PCDHA4: variants seen among roughly 807,000 people sequenced by gnomAD.
PCDHA4 encodes the protein protocadherin alpha-4.
In PCDHA4, 49 loss-of-function variants were observed where a neutral mutation model predicts 61.4. The ratio of observed to expected loss-of-function variants is 0.80; its 90% CI spans 0.63 to 1.01. The LOEUF is 1.01. Ranked by LOEUF, PCDHA4 falls within the 50% of genes least tolerant of loss-of-function variation. The pLI is 0.00. For synonymous variants in PCDHA4, 590 were observed against 550.3 expected (o/e 1.07, Z -1.01); for missense variants, 1,254 against 1,235.8 (o/e 1.01, Z -0.22).
intron 1 of PCDHA4, chr5:140,823,108 G>C (rs138806648): frequency 6.2e-7 from 1 of 1,613,958 alleles, no homozygotes; most frequent in African/African-American, 1.3e-5. Context: ...TGTGGAAGTG[G>C]CCGACGTGAA....
intron 3 of PCDHA4, among the ~76,000 whole-genome samples, chr5:141,005,701 CAAAAAAAAAAAAAAAAA>C (rs59860837): frequency 2.6e-4 from 2 of 7,786 alleles, no homozygotes; most frequent in East Asian, 6.3e-3. Flanking sequence ...AACTCCGTCT[CAAAAAAAAAAAAAAAAA>C]AAAAAAAAAA....
At chr5:140,836,639 G>A in intron 1 of PCDHA4, 1 of 1,613,412 alleles carries the variant, frequency 6.2e-7, no homozygotes. Context: ...CATTCTCCCA[G>A]CAGAGGCGGC....
At chr5:140,997,668 TTGTGTGTGTGTG>T (rs35184029) in intron 3 of PCDHA4, among the ~76,000 whole-genome samples, 3 of 148,244 alleles carry the variant, frequency 2.0e-5, no homozygotes, top group South Asian at 2.2e-4. Context: ...ATTATACAGC[TTGTGTGTGTGTG>T]TGTGTGTGTG....
chr5:140,832,550 C>T (rs2150202230), intron 1 of PCDHA4, among the ~76,000 whole-genome samples: 4 of 152,164 alleles, frequency 2.6e-5, no homozygotes, highest in South Asian at 2.1e-4. Flanking sequence ...CTAATGATAT[C>T]TAACAGCCTC....
At chr5:140,943,409 T>C (rs1460668622) in intron 1 of PCDHA4, among the ~76,000 whole-genome samples, 1 of 152,078 alleles carries the variant, frequency 6.6e-6, no homozygotes, top group Non-Finnish European at 1.5e-5. Flanking sequence ...AAATTCAGAC[T>C]AGAGGCAAGG....
chr5:140,823,082 C>T lies in PCDHA4; in HGVS notation c.2385+13510C>T, dbSNP rs1171267979. The T allele has an allele frequency of 4.3e-6, 7 of 1,613,782 alleles. No individual in the cohort carries two copies. The African/African-American group carries it at 8.0e-5, about 18-fold the overall frequency. On this transcript the variant is annotated intron_variant, in intron 1 of 3. Coordinates refer to ENST00000530339, the MANE Select transcript of PCDHA4 (RefSeq NM_018907.4). ...GACGGGGGCTCGCCTTCGCTGTGGG[C>T]CACCGCCAGCGTGTCTGTGGAAGTG...
At chr5:140,818,343 G>T (rs1554127448) in intron 1 of PCDHA4, among the ~76,000 whole-genome samples, 1 of 152,136 alleles carries the variant, frequency 6.6e-6, no homozygotes, top group Non-Finnish European at 1.5e-5. Context: ...CTAGGCCACT[G>T]TCAAAGTCAT....
chr5:140,874,917 T>G (rs2153317662), intron 1 of PCDHA4, among the ~76,000 whole-genome samples: 2 of 152,292 alleles, frequency 1.3e-5, no homozygotes, highest in Middle Eastern at 6.8e-3. Flanking sequence ...GGAGTGCTTG[T>G]GAAGGTTAAA....
At chr5:140,996,884 A>T (rs1411027110) in intron 3 of PCDHA4, among the ~76,000 whole-genome samples, 1 of 152,186 alleles carries the variant, frequency 6.6e-6, no homozygotes, top group African/African-American at 2.4e-5. Flanking sequence ...TGTATTTTTA[A>T]ATAAAATAGA....
At chr5:140,981,643 G>A (rs998815671) in intron 2 of PCDHA4, among the ~76,000 whole-genome samples, 3 of 151,992 alleles carry the variant, frequency 2.0e-5, no homozygotes, top group African/African-American at 7.3e-5. Context: ...TTTTCTCTTA[G>A]GATCCCACTT....
At chr5:140,925,969 A>C (rs2082842050) in intron 1 of PCDHA4, among the ~76,000 whole-genome samples, 1 of 152,172 alleles carries the variant, frequency 6.6e-6, no homozygotes, top group African/African-American at 2.4e-5. Context: ...TCACGCAAAA[A>C]AAAAGCCTTG....
At chr5:140,995,371 C>G (rs143381591) in intron 3 of PCDHA4, among the ~76,000 whole-genome samples, 3 of 152,120 alleles carry the variant, frequency 2.0e-5, no homozygotes, top group Admixed American at 1.3e-4. Flanking sequence ...GGATGATTCA[C>G]GTACTGGGCA....
rs1465776999 is a variant in PCDHA4 at position 140,824,628 on chromosome 5, TTTTTA to T, written c.2385+15061_2385+15065del. ...AATTAAAGTTTTTTTTTTTTTTTTT[TTTTTA>T]TTTTCTGTAGAGATAGGGGTCTTGC... On this transcript the variant is annotated intron_variant, in intron 1 of 3. Coordinates refer to ENST00000530339, the MANE Select transcript of PCDHA4 (RefSeq NM_018907.4). The T allele has an allele frequency of 8.8e-4, 116 of 131,430 alleles. 1 individual carries two copies. Among genetic ancestry groups the T allele is most frequent in the African/African-American group, 3.0e-3 (87 of 28,634 alleles). 8.1% of individuals were successfully genotyped at this position (131,430 alleles called of 1,614,324 possible). A position where few individuals can be genotyped will look rare whatever the true frequency, so the allele number is the denominator to read the frequency against.
rs1180805331 is a variant in PCDHA4 at position 140,853,371 on chromosome 5, G to C, written c.2385+43799G>C. On this transcript the variant is annotated intron_variant, in intron 1 of 3. Coordinates refer to ENST00000530339, the MANE Select transcript of PCDHA4 (RefSeq NM_018907.4). ...ATGAACTCACAGGGATCCAGAGATGGTAAAATTCAAAACAGCCTGTCAAGT... is the reference window on the plus strand; with the variant it reads ...ATGAACTCACAGGGATCCAGAGATGCTAAAATTCAAAACAGCCTGTCAAGT... 3.0e-6 allele frequency: 3 copies of C among 983,910 alleles called. No homozygotes were observed. In the African/African-American group the frequency reaches 5.3e-5, roughly 17 times the overall value. The allele number at this position is 983,910 out of a possible 1,614,324, so 60.9% of individuals were successfully genotyped here.
At chr5:140,896,871 TTTATGGG>T (rs1349052738) in intron 1 of PCDHA4, among the ~76,000 whole-genome samples, 1 of 152,200 alleles carries the variant, frequency 6.6e-6, no homozygotes, top group Non-Finnish European at 1.5e-5. Flanking sequence ...AGTGTACATA[TTTATGGG>T]GTATATGAGA....
Position 140,808,699 on chromosome 5 carries a change from G to A in PCDHA4, c.1512G>A (p.Leu504=). Reference sequence around the variant, plus strand: ...AGCGGCGGGTAGGGGAGCGCGCGCTGTCGAGCTACGTTTCGGTGCATGCGG... The same window carrying A: ...AGCGGCGGGTAGGGGAGCGCGCGCTATCGAGCTACGTTTCGGTGCATGCGG... ...LVERRVGERA[L]SSYVSVHAES... is the part of the protein sequence containing the mutation. The change falls in exon 1 of 4, where the codon CTG becomes CTA. Residue 504 remains leucine, a synonymous_variant. Transcript: ENST00000530339. 2 of 1,612,210 alleles carry A rather than the reference G, an allele frequency of 1.2e-6. No homozygotes were observed. Among genetic ancestry groups the A allele is most frequent in the Non-Finnish European group, 8.5e-7 (1 of 1,179,812 alleles).
chr5:140,987,636 C>A (rs569411440), intron 3 of PCDHA4, among the ~76,000 whole-genome samples: 1 of 152,256 alleles, frequency 6.6e-6, no homozygotes, highest in African/African-American at 2.4e-5. Context: ...TGAGATAATG[C>A]ACACATATTG....
rs781982439 is a variant in PCDHA4, at chr5:140,967,345, C to G, written c.2386-11604C>G. 3 of 1,607,752 alleles carry G rather than the reference C, an allele frequency of 1.9e-6. No homozygotes were observed. The South Asian group carries it at 3.3e-5, about 18-fold the overall frequency. On this transcript the variant is annotated intron_variant, in intron 1 of 3. Coordinates refer to ENST00000530339, the MANE Select transcript of PCDHA4 (RefSeq NM_018907.4). ...ACGAGCTCAGCCCCAGCGAGCACTT[C>G]GAGCTGGACCTTAAGCCCCTGCAGG...
In PCDHA4 at chr5:141,009,709, C is replaced by A; in HGVS notation, c.2616C>A (p.Asn872Lys). The A allele has an allele frequency of 6.2e-7, 1 of 1,614,118 alleles. No homozygotes were observed. Among genetic ancestry groups the A allele is most frequent in the Non-Finnish European group, 8.5e-7 (1 of 1,180,024 alleles). Reference sequence around the variant, plus strand: ...GGACCTTTAAATACGGACCAGGCAACCCCAAACAATCCGGTCCCGGTGAGT... The same window carrying A: ...GGACCTTTAAATACGGACCAGGCAAACCCAAACAATCCGGTCCCGGTGAGT... ...NSWTFKYGPG[N>K]PKQSGPGELP... is the part of the protein sequence containing the mutation. The change falls in exon 4 of 4, where the codon AAC (asparagine) becomes AAA (lysine). Residue 872 changes from asparagine (N) to lysine (K), a missense_variant. Physicochemically the swap from Asn to Lys is moderately conservative, Grantham distance 94. Transcript: ENST00000530339.
Sources: allele counts gnomAD v4.1 joint callset (sites outside exome capture counted in the v4.1 genomes callset), GRCh38; gene constraint gnomAD v4.1.1; transcripts MANE v1.5; gene names NCBI Gene and HGNC (gene_info 2026-07-23, HGNC 2026-07-21).